Variants in RASSF8 observed in about 807,000 individuals in gnomAD.
The protein encoded by RASSF8 is ras association domain-containing protein 8.
Under a neutral mutation model 48.5 loss-of-function variants are expected in RASSF8, and 22 were observed. That is an observed-to-expected ratio of 0.45 (90% CI 0.32 to 0.65). RASSF8 has a LOEUF of 0.65. Ranked by LOEUF, RASSF8 falls within the 30% of genes least tolerant of loss-of-function variation. RASSF8 has a pLI of 0.03. For missense variants in RASSF8, 418 were observed against 489.2 expected, an observed-to-expected ratio of 0.85 and a Z score of 1.37; for synonymous variants, 127 against 171.5, an observed-to-expected ratio of 0.74 and a Z score of 2.03.
At chr12:26,074,585 C>A (rs1944054886), downstream of RASSF8, among the ~76,000 whole-genome samples, 1 of 151,910 alleles carries the variant, frequency 6.6e-6, no homozygotes, top group African/African-American at 2.4e-5. Context: ...CCTCGTGTTC[C>A]ACCCGCCTCG....
chr12:26,068,758 T>C lies in RASSF8; in HGVS notation c.1200T>C (p.Asn400=), dbSNP rs1316869890. 1 of 1,537,220 alleles carries C rather than the reference T, an allele frequency of 6.5e-7. No homozygotes were observed. Residue 400 remains asparagine, a synonymous_variant, in exon 6 of 6, where the codon AAT becomes AAC. Coordinates refer to ENST00000689635, the MANE Select transcript of RASSF8 (RefSeq NM_001394098.1). ...RPGSSRQLPS[N]LRILQNPISS... is the part of the protein sequence containing the mutation. ...GTTCATCTCGGCAGCTCCCCAGTAATCTCCGCATTCTGCAGAATCCTATCT... is the reference window on the plus strand; with the variant it reads ...GTTCATCTCGGCAGCTCCCCAGTAACCTCCGCATTCTGCAGAATCCTATCT...
At chr12:26,078,081 CA>C (rs1944087117) in intron 5 of RASSF8, among the ~76,000 whole-genome samples, 7 of 152,168 alleles carry the variant, frequency 4.6e-5, no homozygotes, top group African/African-American at 1.7e-4. Context: ...GAAGAGTAAA[CA>C]AGTTTTCACT....
chr12:25,968,487 C>A (rs1662255405), intron 1 of RASSF8, among the ~76,000 whole-genome samples: 1 of 152,158 alleles, frequency 6.6e-6, no homozygotes. Flanking sequence ...GGATTATAGG[C>A]ATGTACCACC....
intron 1 of RASSF8, among the ~76,000 whole-genome samples, chr12:25,987,629 AACAT>A (rs1273296256): frequency 3.9e-5 from 6 of 152,198 alleles, no homozygotes. Context: ...ATTCAGAATT[AACAT>A]ACATTATGCA....
intron 2 of RASSF8, among the ~76,000 whole-genome samples, chr12:26,010,563 G>A (rs1020683453): frequency 6.6e-6 from 1 of 152,184 alleles, no homozygotes; most frequent in Non-Finnish European, 1.5e-5. Flanking sequence ...GGGAAACAGT[G>A]GGAAAGCTCT....
chr12:26,079,877 A>G (rs1944103046), exon 6 of RASSF8: 1 of 152,160 alleles, frequency 6.6e-6, no homozygotes, highest in Admixed American at 6.5e-5. Flanking sequence ...AATTAAAACT[A>G]TCATACAACC....
At chr12:26,005,206 T>G (rs1449827132) in intron 2 of RASSF8, among the ~76,000 whole-genome samples, 1 of 152,076 alleles carries the variant, frequency 6.6e-6, no homozygotes, top group Non-Finnish European at 1.5e-5. Flanking sequence ...TAGGTTTTTG[T>G]TTTGTTTTGT....
chr12:26,007,694 T>A (rs1942425215), intron 2 of RASSF8, among the ~76,000 whole-genome samples: 2 of 152,058 alleles, frequency 1.3e-5, no homozygotes, highest in South Asian at 4.2e-4. Flanking sequence ...TACAGCCGAG[T>A]GTGGGCAGGG....
intron 2 of RASSF8, among the ~76,000 whole-genome samples, chr12:26,047,816 A>G (rs1943403832): frequency 6.6e-6 from 1 of 152,218 alleles, no homozygotes; most frequent in Non-Finnish European, 1.5e-5. Context: ...AGACAGCCAC[A>G]CTGTGAAAGT....
At chr12:26,065,423 T>A in intron 4 of RASSF8, 36 bp downstream of exon 4, 1 of 1,529,690 alleles carries the variant, frequency 6.5e-7, no homozygotes, top group Middle Eastern at 1.8e-4. Flanking sequence ...GTTTGGCCCA[T>A]GTAAAATAGT....
At chr12:26,013,167 G>A (rs1250867834) in intron 2 of RASSF8, among the ~76,000 whole-genome samples, 2 of 152,130 alleles carry the variant, frequency 1.3e-5, no homozygotes, top group Non-Finnish European at 2.9e-5. Context: ...ACAATAAAAA[G>A]GCCTGTATTC....
chr12:25,980,638 G>T (rs906617395), intron 1 of RASSF8, among the ~76,000 whole-genome samples: 7 of 152,174 alleles, frequency 4.6e-5, no homozygotes, highest in Non-Finnish European at 1.5e-5. Context: ...CCCGTTAGCT[G>T]GTGGGAGTGG....
Position 26,070,398 on chromosome 12 carries a change from A to G in RASSF8, c.*1580A>G. On this transcript the variant is annotated 3_prime_UTR_variant, in exon 6 of 6. Coordinates refer to ENST00000689635, the MANE Select transcript of RASSF8 (RefSeq NM_001394098.1). ...GTATAGAAGCTTCTAGAGAACTGAA[A>G]GTCATAATGCAGAGTTGCCTTTTCT... 7 of 985,394 alleles carry G rather than the reference A, an allele frequency of 7.1e-6. No individual in the cohort carries two copies. Among genetic ancestry groups the G allele is most frequent in the Non-Finnish European group, 8.4e-6 (7 of 829,896 alleles). The allele number at this position is 985,394 out of a possible 1,614,324, so 61.0% of individuals were successfully genotyped here. A position where few individuals can be genotyped will look rare whatever the true frequency, so the allele number is the denominator to read the frequency against.
At chr12:25,995,881 G>A (rs116015533) in intron 2 of RASSF8, among the ~76,000 whole-genome samples, 14,909 of 152,166 alleles carry the variant, frequency 0.098, 769 homozygotes, top group Middle Eastern at 0.15. Flanking sequence ...CCAGCGTGCT[G>A]TCTCATAAAT....
chr12:25,981,093 A>C (rs1941731570), intron 1 of RASSF8, among the ~76,000 whole-genome samples: 1 of 151,876 alleles, frequency 6.6e-6, no homozygotes, highest in Non-Finnish European at 1.5e-5. Flanking sequence ...GTCCTGGCTC[A>C]CTCCTGTTGT....
Position 26,067,605 on chromosome 12 carries a change from T to TTG in RASSF8, c.1031_1032dup (p.Arg345CysfsTer27). ...GGAACTGGAGCAGTTGACTAAGGAGTTGCGGCAAGTCAATCTCCAGCAGTT... is the reference window on the plus strand; with the variant it reads ...GGAACTGGAGCAGTTGACTAAGGAGTTGTGCGGCAAGTCAATCTCCAGCAGTT... On this transcript the variant is annotated frameshift_variant, in exon 5 of 6. Transcript: ENST00000689635. LOFTEE classifies it high-confidence loss of function. 1 of 1,613,732 alleles carries TTG rather than the reference T, an allele frequency of 6.2e-7. No individual in the cohort carries two copies. Among genetic ancestry groups the TTG allele is most frequent in the Non-Finnish European group, 8.5e-7 (1 of 1,179,832 alleles).
chr12:26,007,993 A>G (rs1265544324), intron 2 of RASSF8, among the ~76,000 whole-genome samples: 1 of 152,188 alleles, frequency 6.6e-6, no homozygotes, highest in African/African-American at 2.4e-5. Context: ...ATGTTCTCAC[A>G]TCAGGTGCGG....
chr12:25,963,280 G>A (rs930349257), intron 1 of RASSF8, among the ~76,000 whole-genome samples: 1 of 126,870 alleles, frequency 7.9e-6, no homozygotes, highest in Non-Finnish European at 1.6e-5. Flanking sequence ...AAGTCTGGAA[G>A]TTCTTTTCTT....
intron 1 of RASSF8, among the ~76,000 whole-genome samples, chr12:25,971,884 G>A (rs938147558): frequency 1.3e-5 from 2 of 152,234 alleles, no homozygotes; most frequent in Admixed American, 6.5e-5. Context: ...TTTCAATCAC[G>A]AGAGTGAGAA....
Sources: gnomAD v4.1 joint callset for allele counts (sites outside exome capture counted in the v4.1 genomes callset) on GRCh38, gnomAD v4.1.1 for gene constraint, MANE v1.5 for transcripts, NCBI Gene and HGNC (gene_info 2026-07-23, HGNC 2026-07-21) for gene names.